Variants in HS3ST4 observed in about 807,000 individuals in gnomAD.
The protein encoded by HS3ST4 is heparan sulfate-glucosamine 3-sulfotransferase 4.
A neutral mutation model predicts 29.2 loss-of-function variants in HS3ST4; 17 were observed. The ratio of observed to expected loss-of-function variants is 0.58; its 90% confidence interval spans 0.40 to 0.87. HS3ST4 has a LOEUF of 0.87. HS3ST4 is among the 40% of genes least tolerant of loss of function. The probability of loss-of-function intolerance (pLI) is 0.00; values close to 1 mark genes in which losing one functional copy is unlikely to be tolerated. For missense variants in HS3ST4, 627 were observed against 634.5 expected, an observed-to-expected ratio of 0.99 and a Z score of 0.13; for synonymous variants, 314 against 285.7, an observed-to-expected ratio of 1.10 and a Z score of -1.00.
chr16:25,700,980 C>T (rs1287794732), intron 1 of HS3ST4, among the ~76,000 whole-genome samples: 1 of 152,086 alleles, frequency 6.6e-6, no homozygotes, highest in Non-Finnish European at 1.5e-5. Flanking sequence ...GGAACTTACA[C>T]TATTGTAAAC....
chr16:25,724,017 G>C (rs1181085009), intron 1 of HS3ST4, among the ~76,000 whole-genome samples: 1 of 151,470 alleles, frequency 6.6e-6, no homozygotes, highest in African/African-American at 2.4e-5. Flanking sequence ...AGGAGGCTGA[G>C]GCAGCAGAAT....
chr16:25,999,448 G>T (rs186531972), intron 1 of HS3ST4, among the ~76,000 whole-genome samples: 3 of 151,656 alleles, frequency 2.0e-5, no homozygotes, highest in Non-Finnish European at 4.4e-5. Flanking sequence ...GATTAGATGC[G>T]CAGATGTTTT....
At chr16:25,730,281 T>C (rs945288165) in intron 1 of HS3ST4, among the ~76,000 whole-genome samples, 5 of 152,176 alleles carry the variant, frequency 3.3e-5, no homozygotes, top group Admixed American at 3.3e-4. Context: ...AGTAAGAAAG[T>C]TGGTACTAGA....
In HS3ST4 at chr16:25,767,746, G is replaced by A. The variant is rs371724997; in HGVS notation, c.734+74595G>A. Among the ~76,000 whole-genome samples the A allele has an allele frequency of 3.3e-5, 5 of 152,138 alleles. No individual in the cohort carries two copies. The East Asian group carries it at 9.6e-4, about 29-fold the overall frequency. ...AGTACTCAGCCATGTCTGGCACATGGCAAACGCTCAAGAGATATTTCTGAA... is the reference window on the plus strand; with the variant it reads ...AGTACTCAGCCATGTCTGGCACATGACAAACGCTCAAGAGATATTTCTGAA... On this transcript the variant is annotated intron_variant, in intron 1 of 1. Coordinates refer to ENST00000331351, the MANE Select transcript of HS3ST4 (RefSeq NM_006040.3).
chr16:25,914,871 A>T (rs1233341021), intron 1 of HS3ST4, among the ~76,000 whole-genome samples: 1 of 151,970 alleles, frequency 6.6e-6, no homozygotes, highest in Non-Finnish European at 1.5e-5. Context: ...TTTTGGAAAG[A>T]TCATTTTATT....
chr16:26,090,499 T>G (rs980074476), intron 1 of HS3ST4, among the ~76,000 whole-genome samples: 1 of 151,680 alleles, frequency 6.6e-6, no homozygotes, highest in Non-Finnish European at 1.5e-5. Context: ...ATGAAAAGGG[T>G]GCACAAAATT....
At chr16:25,808,105 C>T (rs986162302) in intron 1 of HS3ST4, among the ~76,000 whole-genome samples, 6 of 152,114 alleles carry the variant, frequency 3.9e-5, no homozygotes, top group African/African-American at 1.4e-4. Flanking sequence ...ATTAGGATCT[C>T]TCACACAGCA....
intron 1 of HS3ST4, among the ~76,000 whole-genome samples, chr16:25,998,609 C>T (rs1013519063): frequency 2.0e-5 from 3 of 152,098 alleles, no homozygotes; most frequent in African/African-American, 7.2e-5. Flanking sequence ...TTTCACTTTT[C>T]CCAGGCTTAT....
intron 1 of HS3ST4, among the ~76,000 whole-genome samples, chr16:25,893,844 A>G (rs1968034144): frequency 6.6e-6 from 1 of 152,198 alleles, no homozygotes; most frequent in Non-Finnish European, 1.5e-5. Flanking sequence ...AACTGTGAAC[A>G]TCCCATCCCC....
At chr16:26,045,785 T>C (rs1898258221) in intron 1 of HS3ST4, among the ~76,000 whole-genome samples, 1 of 152,186 alleles carries the variant, frequency 6.6e-6, no homozygotes, top group Non-Finnish European at 1.5e-5. Flanking sequence ...CATCCCAAGT[T>C]CTCTCTCACA....
In HS3ST4 at chr16:25,768,093, TGGTCCTGTGAACATCACATGTCTGGGGCG is replaced by T. The variant is rs1282516992; in HGVS notation, c.734+74944_734+74972del. ...GCAGAAGCCCAGCAGAGAGAGTGAC[TGGTCCTGTGAACATCACATGTCTGGGGCG>T]GAGCAAGATGCAGAGTTGGGTCATC... is the stretch of plus-strand genomic sequence containing the variant. On this transcript the variant is annotated intron_variant, in intron 1 of 1. Transcript: ENST00000331351. Among the ~76,000 whole-genome samples, 8 of 152,286 alleles carry T rather than the reference TGGTCCTGTGAACATCACATGTCTGGGGCG, an allele frequency of 5.3e-5. No individual in the cohort carries two copies. The South Asian group carries it at 1.2e-3, about 24-fold the overall frequency.
intron 1 of HS3ST4, among the ~76,000 whole-genome samples, chr16:25,840,930 C>G (rs1233729951): frequency 2.0e-5 from 3 of 151,676 alleles, no homozygotes. Flanking sequence ...TCATAGTTGG[C>G]CAAATGAGAT....
chr16:25,863,677 G>A (rs1235628595), intron 1 of HS3ST4, among the ~76,000 whole-genome samples: 2 of 152,086 alleles, frequency 1.3e-5, no homozygotes, highest in African/African-American at 4.8e-5. Context: ...CAGGTGTTAT[G>A]TGTTGTGTGT....
At chr16:26,131,302 T>G (rs1018557327) in intron 1 of HS3ST4, among the ~76,000 whole-genome samples, 1 of 152,240 alleles carries the variant, frequency 6.6e-6, no homozygotes, top group South Asian at 2.1e-4. Context: ...GTGTAAATTT[T>G]ATCACATTCT....
At chr16:25,991,662 A>C (rs1969114589) in intron 1 of HS3ST4, among the ~76,000 whole-genome samples, 1 of 152,226 alleles carries the variant, frequency 6.6e-6, no homozygotes. Context: ...CTACATGCAG[A>C]ATTAAATCTC....
chr16:25,845,342 C>G (rs1046106583), intron 1 of HS3ST4, among the ~76,000 whole-genome samples: 1 of 152,088 alleles, frequency 6.6e-6, no homozygotes. Flanking sequence ...AACCCTGTAT[C>G]TACTAAAAAT....
intron 1 of HS3ST4, among the ~76,000 whole-genome samples, chr16:25,892,662 A>G (rs963753603): frequency 6.6e-6 from 1 of 152,170 alleles, no homozygotes; most frequent in African/African-American, 2.4e-5. Context: ...ACTTAACTGA[A>G]AAGTCCTGGG....
At chr16:25,739,113 G>A (rs1001278572) in intron 1 of HS3ST4, among the ~76,000 whole-genome samples, 1 of 152,044 alleles carries the variant, frequency 6.6e-6, no homozygotes, top group Non-Finnish European at 1.5e-5. Context: ...AGGCTGAGGC[G>A]GGCAGATCAT....
chr16:26,078,946 G>A (rs1291390575), intron 1 of HS3ST4, among the ~76,000 whole-genome samples: 2 of 152,210 alleles, frequency 1.3e-5, no homozygotes, highest in Admixed American at 1.3e-4. Context: ...TTGTCTTGTA[G>A]AAGGATGAAA....
Sources: gnomAD v4.1 joint callset for allele counts (sites outside exome capture counted in the v4.1 genomes callset) on GRCh38, gnomAD v4.1.1 for gene constraint, MANE v1.5 for transcripts, NCBI Gene and HGNC (gene_info 2026-07-23, HGNC 2026-07-21) for gene names.